TBL1X: variants seen among roughly 807,000 people sequenced by gnomAD.
TBL1X encodes the protein F-box-like/WD repeat-containing protein TBL1X.
In TBL1X, 10 loss-of-function variants were observed where a neutral mutation model predicts 50.7. The observed-to-expected ratio is 0.20, with a 90% CI of 0.12 to 0.33. TBL1X has a LOEUF of 0.33. TBL1X is among the 10% of genes least tolerant of loss of function. The probability of loss-of-function intolerance (pLI) is 1.00; values close to 1 mark genes in which losing one functional copy is unlikely to be tolerated. For synonymous variants in TBL1X, 190 were observed against 214.7 expected, an observed-to-expected ratio of 0.88 and a Z score of 1.01; for missense variants, 340 against 504.4, an observed-to-expected ratio of 0.67 and a Z score of 3.12.
intron 12 of TBL1X, among the ~76,000 whole-genome samples, chrX:9,701,829 C>T (rs1365578141): frequency 1.8e-5 from 2 of 111,038 alleles, no homozygotes; most frequent in African/African-American, 3.3e-5. Context: ...TTAGCTCAGG[C>T]GATGTTGTAA....
At chrX:9,702,734 T>G (rs932724693) in intron 12 of TBL1X, among the ~76,000 whole-genome samples, 1 of 112,019 alleles carries the variant, frequency 8.9e-6, no homozygotes, top group Non-Finnish European at 1.9e-5. Flanking sequence ...CATTATTGGC[T>G]AATTCAGTGT....
intron 2 of TBL1X, among the ~76,000 whole-genome samples, chrX:9,620,761 A>G (rs1050177761): frequency 3.6e-5 from 4 of 111,648 alleles, no homozygotes; most frequent in Non-Finnish European, 7.5e-5. Context: ...TTTGCCGGCC[A>G]TAATACTAAG....
chrX:9,653,120 G>A (rs189381393), intron 3 of TBL1X, among the ~76,000 whole-genome samples: 1 of 112,741 alleles, frequency 8.9e-6, no homozygotes, highest in Admixed American at 9.3e-5. Flanking sequence ...AGCTGAGATC[G>A]CACCACTGCA....
At chrX:9,647,024 T>G in intron 3 of TBL1X, among the ~76,000 whole-genome samples, 1 of 111,989 alleles carries the variant, frequency 8.9e-6, no homozygotes, top group East Asian at 2.8e-4. Context: ...AAAACAGCAA[T>G]TAAGATTTTG....
chrX:9,538,688 G>A (rs756522524), intron 2 of TBL1X, among the ~76,000 whole-genome samples: 1 of 112,552 alleles, frequency 8.9e-6, no homozygotes, highest in Non-Finnish European at 1.9e-5. Flanking sequence ...GGAGGTTCCA[G>A]CTCTGTTTTC....
intron 2 of TBL1X, among the ~76,000 whole-genome samples, chrX:9,517,025 T>C (rs1035052276): frequency 8.9e-6 from 1 of 111,841 alleles, no homozygotes; most frequent in African/African-American, 3.3e-5. Flanking sequence ...TAAAACATCT[T>C]CGTTATAAAC....
intron 2 of TBL1X, among the ~76,000 whole-genome samples, chrX:9,570,988 T>C (rs1304040056): frequency 8.9e-6 from 1 of 112,329 alleles, no homozygotes; most frequent in African/African-American, 3.2e-5. Context: ...AAAGTGACTC[T>C]TATACTCCAT....
chrX:9,564,879 G>T (rs998387049), intron 2 of TBL1X, among the ~76,000 whole-genome samples: 9 of 110,467 alleles, frequency 8.1e-5, no homozygotes, highest in Non-Finnish European at 1.5e-4. Flanking sequence ...GTAATAGATT[G>T]TTGGAGAGTG....
chrX:9,673,330 C>A (rs751252306), intron 5 of TBL1X, among the ~76,000 whole-genome samples: 80 of 112,512 alleles, frequency 7.1e-4, no homozygotes, highest in Non-Finnish European at 1.2e-3. Flanking sequence ...TCTATCCCCC[C>A]ATCACTGTTT....
chrX:9,709,239 C>G lies in TBL1X; in HGVS notation c.1237-9C>G. The G allele has an allele frequency of 1.7e-6, 2 of 1,210,008 alleles. No homozygotes were observed. The highest frequency in any genetic ancestry group is 2.2e-6 in the Non-Finnish European group (2 of 894,602). ...GATGTCTTTTTCACACTCTTCTGCTCTCTTTCAGAACGAGGTCAACGCCAT... is the reference window on the plus strand; with the variant it reads ...GATGTCTTTTTCACACTCTTCTGCTGTCTTTCAGAACGAGGTCAACGCCAT... On this transcript the variant is annotated splice_polypyrimidine_tract_variant and intron_variant, in intron 13 of 17. Transcript: ENST00000645353.
chrX:9,577,224 AT>A (rs1190712397), intron 2 of TBL1X, among the ~76,000 whole-genome samples: 1 of 111,734 alleles, frequency 8.9e-6, no homozygotes, highest in Non-Finnish European at 1.9e-5. Context: ...ATGGCCCCAC[AT>A]TCGGCTCTTG....
intron 1 of TBL1X, among the ~76,000 whole-genome samples, chrX:9,497,757 CCTCCCTCCCTCCCTCCCTCT>C: frequency 1.3e-5 from 1 of 78,682 alleles, no homozygotes; most frequent in Non-Finnish European, 2.4e-5. Context: ...TCCCTCCCTC[CCTCCCTCCCTCCCTCCCTCT>C]CTCTCTCCCT....
intron 2 of TBL1X, among the ~76,000 whole-genome samples, chrX:9,551,210 A>T (rs11798854): frequency 0.091 from 10,002 of 110,519 alleles, 392 homozygotes; most frequent in Non-Finnish European, 0.13. Context: ...TGCCCAGGGG[A>T]TCAGTTTCCT....
chrX:9,472,159 A>T (rs1325167561), intron 1 of TBL1X, among the ~76,000 whole-genome samples: 1 of 112,468 alleles, frequency 8.9e-6, no homozygotes, highest in Non-Finnish European at 1.9e-5. Flanking sequence ...AATGTGCAGT[A>T]TTGTTCAGTG....
chrX:9,538,419 G>A (rs1383724978), intron 2 of TBL1X, among the ~76,000 whole-genome samples: 2 of 111,867 alleles, frequency 1.8e-5, no homozygotes, highest in African/African-American at 3.3e-5. Flanking sequence ...CAAGGGCACC[G>A]ACTGGGAAAT....
chrX:9,555,127 A>G (rs2082289805), intron 2 of TBL1X, among the ~76,000 whole-genome samples: 1 of 111,214 alleles, frequency 9.0e-6, no homozygotes, highest in Non-Finnish European at 1.9e-5. Flanking sequence ...CCGGGCTGGA[A>G]TGTAGTGGTA....
chrX:9,703,744 C>T (rs1031462575), intron 12 of TBL1X, among the ~76,000 whole-genome samples: 1 of 112,208 alleles, frequency 8.9e-6, no homozygotes, highest in Non-Finnish European at 1.9e-5. Context: ...CTCTCTCCCC[C>T]TTGTCTGGGG....
intron 5 of TBL1X, among the ~76,000 whole-genome samples, chrX:9,659,274 C>T (rs2082883216): frequency 8.9e-6 from 1 of 112,441 alleles, no homozygotes; most frequent in South Asian, 3.7e-4. Context: ...GCTCCTCTTC[C>T]ACCCCCACCC....
rs752908903 is a variant in TBL1X, at chrX:9,501,779, G to T, written c.-200-1G>T. ...TGCTGCTATTTTACTGTTTCTTCCA[G>T]ATTTCCGTGAGGGTGGAAGAAAATC... On this transcript the variant is annotated splice_acceptor_variant, in intron 1 of 17. Transcript: ENST00000645353. LOFTEE classifies it low-confidence loss of function (5UTR_SPLICE). 1 of 111,516 alleles carries T rather than the reference G, an allele frequency of 9.0e-6. No individual in the cohort carries two copies. The highest frequency in any genetic ancestry group is 1.9e-5 in the Non-Finnish European group (1 of 53,068). The allele number at this position is 111,516 out of a possible 1,213,427, so 9.2% of individuals were successfully genotyped here.
Sources: gnomAD v4.1 joint callset for allele counts (sites outside exome capture counted in the v4.1 genomes callset) on GRCh38, gnomAD v4.1.1 for gene constraint, MANE v1.5 for transcripts, NCBI Gene and HGNC (gene_info 2026-07-23, HGNC 2026-07-21) for gene names.